The following QPCT variants were observed in gnomAD, a reference collection of about 807,000 sequenced individuals.
QPCT encodes glutaminyl-peptide cyclotransferase, also known as EC.
In QPCT, 44 loss-of-function variants were observed where a neutral mutation model predicts 43.4. That is an observed-to-expected ratio of 1.01 (90% CI 0.80 to 1.30). QPCT has a LOEUF of 1.30. Ranked by LOEUF, QPCT falls within the 50% of genes most tolerant of loss-of-function variation. The pLI, the probability that QPCT is intolerant of heterozygous loss-of-function variation, is 0.00. For missense variants in QPCT, 526 were observed against 436.5 expected (o/e 1.21, Z -1.83); for synonymous variants, 168 against 168.4 (o/e 1.00, Z 0.02).
chr2:37,361,784 T>C (rs1216688745), intron 3 of QPCT, among the ~76,000 whole-genome samples: 1 of 152,198 alleles, frequency 6.6e-6, no homozygotes, highest in Non-Finnish European at 1.5e-5. Flanking sequence ...TATTCTATTC[T>C]ATTATTGCAA....
At chr2:37,345,671 T>G (rs1467644853) in intron 1 of QPCT, among the ~76,000 whole-genome samples, 3 of 151,504 alleles carry the variant, frequency 2.0e-5, no homozygotes, top group African/African-American at 7.3e-5. Flanking sequence ...CTGTCTCTAC[T>G]AAAAAATACA....
rs902341529 is a variant in QPCT at position 37,364,955 on chromosome 2, T to C, written c.547-2277T>C. Among the ~76,000 whole-genome samples, 4 of 148,816 alleles carry C rather than the reference T, an allele frequency of 2.7e-5. No homozygotes were observed. In the East Asian group the frequency reaches 7.8e-4, roughly 29 times the overall value. On this transcript the variant is annotated intron_variant, in intron 3 of 6. Transcript: ENST00000338415. ...TATAATATAACATATAATATGTATA[T>C]ATAGAGAGACCAGCCTGGGCAACAT... is the stretch of plus-strand genomic sequence containing the variant.
At chr2:37,354,799 G>T (rs780151019) in intron 2 of QPCT, among the ~76,000 whole-genome samples, 1 of 152,084 alleles carries the variant, frequency 6.6e-6, no homozygotes, top group Non-Finnish European at 1.5e-5. Flanking sequence ...GGTCTGTGAT[G>T]CTTACTCTTC....
chr2:37,373,002 T>G lies in QPCT; in HGVS notation c.*175T>G, dbSNP rs1480334956. 1 of 528,480 alleles carries G rather than the reference T, an allele frequency of 1.9e-6. No homozygotes were observed. The highest frequency in any genetic ancestry group is 2.0e-5 in the African/African-American group (1 of 51,018). The allele number at this position is 528,480 out of a possible 1,614,324, so 32.7% of individuals were successfully genotyped here. On this transcript the variant is annotated 3_prime_UTR_variant, in exon 7 of 7. Coordinates refer to ENST00000338415, the MANE Select transcript of QPCT (RefSeq NM_012413.4). Reference sequence around the variant, plus strand: ...ATTACAGAATAATTGTGTTGTGATATTGTGTCCTAAATTGCTCATTAATTT... The same window carrying G: ...ATTACAGAATAATTGTGTTGTGATAGTGTGTCCTAAATTGCTCATTAATTT...
rs2124927997 is a variant in QPCT, at chr2:37,344,673, T to C, written c.-59T>C. The C allele has an allele frequency of 6.5e-7, 1 of 1,544,040 alleles. No homozygotes were observed. The highest frequency in any genetic ancestry group is 2.5e-5 in the East Asian group (1 of 40,502). On this transcript the variant is annotated 5_prime_UTR_variant, in exon 1 of 7. Coordinates refer to ENST00000338415, the MANE Select transcript of QPCT (RefSeq NM_012413.4). Reference sequence around the variant, plus strand: ...GAAGAGGGAAGGCGAAGGACGCGCGTTCCCGGGCTCGTGACCGCCAGCGGC... The same window carrying C: ...GAAGAGGGAAGGCGAAGGACGCGCGCTCCCGGGCTCGTGACCGCCAGCGGC...
rs774825328 is a variant in QPCT, at chr2:37,369,671, T to A, written c.724-14T>A. ...TTTGGTGATGGTGATTAAACATTAC[T>A]TTTTCTCCCTCAGGATTTATTGGTC... On this transcript the variant is annotated splice_polypyrimidine_tract_variant and intron_variant, in intron 4 of 6. Transcript: ENST00000338415. 3.7e-5 allele frequency: 57 copies of A among 1,549,650 alleles called. No homozygotes were observed. Among genetic ancestry groups the A allele is most frequent in the Non-Finnish European group, 5.0e-5 (56 of 1,121,604 alleles).
intron 2 of QPCT, among the ~76,000 whole-genome samples, chr2:37,354,624 C>G (rs1672701860): frequency 6.6e-6 from 1 of 152,214 alleles, no homozygotes; most frequent in Admixed American, 6.5e-5. Flanking sequence ...ACTCAAATGT[C>G]TCCAGCTCTC....
At chr2:37,363,528 G>C (rs1347394027) in intron 3 of QPCT, among the ~76,000 whole-genome samples, 2 of 151,462 alleles carry the variant, frequency 1.3e-5, no homozygotes, top group African/African-American at 4.9e-5. Context: ...CTACTTGGGA[G>C]GCTGAGGCAG....
chr2:37,349,424 A>T (rs1212167808), intron 1 of QPCT, among the ~76,000 whole-genome samples: 2 of 152,074 alleles, frequency 1.3e-5, no homozygotes, highest in African/African-American at 2.4e-5. Context: ...TGCTTGGGGG[A>T]GGGGGCATTT....
chr2:37,360,014 G>C (rs1272304277), intron 3 of QPCT, 156 bp downstream of exon 3: 2 of 817,800 alleles, frequency 2.4e-6, no homozygotes, highest in African/African-American at 3.5e-5. Context: ...TGCATGATTG[G>C]GAATATCAAC....
At chr2:37,366,795 C>CA (rs1258315649) in intron 3 of QPCT, among the ~76,000 whole-genome samples, 2 of 142,426 alleles carry the variant, frequency 1.4e-5, no homozygotes, top group South Asian at 2.3e-4. Flanking sequence ...CTTTAGAGAG[C>CA]CCCCCGTACC....
At chr2:37,348,063 C>CGTGTGTGTGT (rs10598967) in intron 1 of QPCT, among the ~76,000 whole-genome samples, 9 of 148,388 alleles carry the variant, frequency 6.1e-5, no homozygotes, top group African/African-American at 2.0e-4. Flanking sequence ...CGCGCGCACG[C>CGTGTGTGTGT]GTGTGTGTGT....
chr2:37,346,813 C>T (rs909606213), intron 1 of QPCT, among the ~76,000 whole-genome samples: 2 of 152,066 alleles, frequency 1.3e-5, no homozygotes, highest in African/African-American at 4.8e-5. Flanking sequence ...AAATATGTGC[C>T]TTCCTACTTT....
chr2:37,364,613 T>C (rs987659918), intron 3 of QPCT, among the ~76,000 whole-genome samples: 7 of 152,136 alleles, frequency 4.6e-5, no homozygotes, highest in African/African-American at 1.4e-4. Context: ...ATTGCGATGT[T>C]TGTGTACATG....
At chr2:37,368,347 ACT>A (rs1332006289) in intron 4 of QPCT, 1 of 111,560 alleles carries the variant, frequency 9.0e-6, no homozygotes, top group Non-Finnish European at 1.7e-5. Flanking sequence ...CCTGACTCTG[ACT>A]CTCTTCCCAT....
chr2:37,369,270 G>A (rs1673025219), intron 4 of QPCT, among the ~76,000 whole-genome samples: 2 of 152,192 alleles, frequency 1.3e-5, no homozygotes, highest in Admixed American at 6.5e-5. Context: ...TACTGTCCAA[G>A]TGCCTTCCTT....
chr2:37,362,097 G>A (rs976253505), intron 3 of QPCT, among the ~76,000 whole-genome samples: 19 of 152,324 alleles, frequency 1.2e-4, no homozygotes, highest in Admixed American at 5.9e-4. Context: ...AAAGCAAATC[G>A]TTGTACTGAT....
intron 6 of QPCT, 22 bp downstream of exon 6, chr2:37,372,494 G>T: frequency 2.0e-6 from 3 of 1,515,824 alleles, no homozygotes; most frequent in Non-Finnish European, 1.8e-6. Context: ...GTGTGTGTGT[G>T]TTTGTGTGTG....
chr2:37,372,163 T>C (rs1434353189), intron 5 of QPCT, among the ~76,000 whole-genome samples, 193 bp from the exon 6 acceptor site: 2 of 152,224 alleles, frequency 1.3e-5, no homozygotes, highest in Non-Finnish European at 2.9e-5. Context: ...TCTCTCTTCC[T>C]GCTCCAAAGT....
Sources: allele counts gnomAD v4.1 joint callset (sites outside exome capture counted in the v4.1 genomes callset), GRCh38; gene constraint gnomAD v4.1.1; transcripts MANE v1.5; gene names NCBI Gene and HGNC (gene_info 2026-07-23, HGNC 2026-07-21).